The following CNBD1 variants were observed in gnomAD, a reference collection of about 807,000 sequenced individuals.
The protein encoded by CNBD1 is cyclic nucleotide binding domain containing 1.
Under a neutral mutation model 54.4 loss-of-function variants are expected in CNBD1, and 71 were observed. The ratio of observed to expected loss-of-function variants is 1.30; its 90% CI spans 1.08 to 1.59. The LOEUF is 1.59. Among genes scored for constraint, CNBD1 ranks in the 40% most tolerant of loss-of-function variants. The pLI is 0.00. For missense variants in CNBD1, 659 were observed against 518.0 expected, an observed-to-expected ratio of 1.27 and a Z score of -2.64; for synonymous variants, 182 against 170.7, an observed-to-expected ratio of 1.07 and a Z score of -0.51.
chr8:87,376,260 T>A (rs1810932180), intron 10 of CNBD1, among the ~76,000 whole-genome samples: 1 of 151,860 alleles, frequency 6.6e-6, no homozygotes, highest in Non-Finnish European at 1.5e-5. Flanking sequence ...CTGGCTGATC[T>A]GGTGTCTGGT....
In CNBD1 at chr8:87,391,047, C is replaced by A. The variant is rs569721827; in HGVS notation, c.213+37261C>A. The stretch of plus-strand genomic sequence containing the variant: ...ATAGGTGGGAATTGAACAAAGAGAA[C>A]CCATGGACACAGGAAGGGGAACATC... On this transcript the variant is annotated intron_variant, in intron 2 of 7. Coordinates refer to the CNBD1 transcript ENST00000521593. Among the ~76,000 whole-genome samples the A allele has an allele frequency of 2.6e-5, 4 of 151,856 alleles. No individual in the cohort carries two copies. The East Asian group carries it at 7.8e-4, about 30-fold the overall frequency.
chr8:87,349,680 AT>A (rs1342217179), intron 8 of CNBD1, among the ~76,000 whole-genome samples: 28 of 152,154 alleles, frequency 1.8e-4, no homozygotes, highest in Admixed American at 2.0e-4. Flanking sequence ...TGACCAGAAT[AT>A]ATGATTTTTA....
At chr8:86,912,230 A>T (rs1809111092) in intron 3 of CNBD1, among the ~76,000 whole-genome samples, 1 of 152,344 alleles carries the variant, frequency 6.6e-6, no homozygotes, top group South Asian at 2.1e-4. Flanking sequence ...AACAATGTAT[A>T]GTATTTGTAC....
chr8:87,248,578 G>A (rs1229542438), intron 6 of CNBD1, among the ~76,000 whole-genome samples: 1 of 152,188 alleles, frequency 6.6e-6, no homozygotes, highest in African/African-American at 2.4e-5. Flanking sequence ...CAGCTTTGAA[G>A]GTCTCATGGC....
chr8:87,066,546 TAAA>T (rs1810658623), intron 4 of CNBD1, among the ~76,000 whole-genome samples: 1 of 151,966 alleles, frequency 6.6e-6, no homozygotes, highest in Admixed American at 6.6e-5. Flanking sequence ...ACTTTTCAAT[TAAA>T]TAATGAATTA....
At chr8:87,091,477 T>A (rs1380323008) in intron 4 of CNBD1, among the ~76,000 whole-genome samples, 1 of 152,198 alleles carries the variant, frequency 6.6e-6, no homozygotes, top group African/African-American at 2.4e-5. Flanking sequence ...AAACTCTTCT[T>A]GTGAATCCTT....
intron 3 of CNBD1, among the ~76,000 whole-genome samples, chr8:86,919,714 A>C (rs1212298293): frequency 9.2e-5 from 14 of 152,228 alleles, no homozygotes. Context: ...TATTATTAAA[A>C]GGTAATTATT....
intron 5 of CNBD1, among the ~76,000 whole-genome samples, chr8:87,228,677 G>A (rs965177724): frequency 1.5e-4 from 23 of 151,762 alleles, no homozygotes; most frequent in African/African-American, 4.9e-4. Flanking sequence ...GTCTGCAGAA[G>A]TTACTGCTGT....
chr8:87,264,708 A>G (rs1005574861), intron 6 of CNBD1, among the ~76,000 whole-genome samples: 6 of 152,090 alleles, frequency 3.9e-5, no homozygotes, highest in South Asian at 2.1e-4. Flanking sequence ...GTGTGAGATG[A>G]TATCTCATTG....
Position 86,964,813 on chromosome 8 carries a change from C to A in CNBD1, c.431+25059C>A, listed in dbSNP as rs543079038. ...GTTCCCTGGGATTGACCCTTGCAGC[C>A]TCTCCTGAGATGGTCACTAGGAAGG... On this transcript the variant is annotated intron_variant, in intron 4 of 10. Coordinates refer to ENST00000518476, the MANE Select transcript of CNBD1 (RefSeq NM_173538.3). Among the ~76,000 whole-genome samples, 18 of 152,286 alleles carry A rather than the reference C, an allele frequency of 1.2e-4. No homozygotes were observed. The South Asian group carries it at 3.7e-3, about 32-fold the overall frequency.
At chr8:86,921,202 AG>A (rs1478343198) in intron 3 of CNBD1, among the ~76,000 whole-genome samples, 2 of 150,404 alleles carry the variant, frequency 1.3e-5, no homozygotes, top group Non-Finnish European at 3.0e-5. Flanking sequence ...ATCTGGCCTC[AG>A]GATAAATAAT....
chr8:87,275,574 A>T (rs1808460717), intron 6 of CNBD1, among the ~76,000 whole-genome samples: 1 of 151,734 alleles, frequency 6.6e-6, no homozygotes, highest in East Asian at 1.9e-4. Context: ...GACGTATCTC[A>T]AAATAATAAG....
intron 9 of CNBD1, among the ~76,000 whole-genome samples, chr8:87,352,389 A>C (rs1411480501): frequency 6.6e-6 from 1 of 150,986 alleles, no homozygotes; most frequent in Admixed American, 6.6e-5. Context: ...CTGAGGCAGA[A>C]GAATCGCTTG....
chr8:87,083,155 G>A (rs1254221618), intron 4 of CNBD1, among the ~76,000 whole-genome samples: 1 of 152,140 alleles, frequency 6.6e-6, no homozygotes, highest in Admixed American at 6.5e-5. Flanking sequence ...ATAACACTAT[G>A]TGACAAAGAA....
At chr8:87,336,257 G>T (rs1390056474) in intron 8 of CNBD1, among the ~76,000 whole-genome samples, 1 of 152,142 alleles carries the variant, frequency 6.6e-6, no homozygotes, top group East Asian at 1.9e-4. Context: ...TCCTAGGTTG[G>T]GGAAGTTCTT....
At chr8:87,342,293 G>T (rs1288148498) in intron 8 of CNBD1, among the ~76,000 whole-genome samples, 1 of 142,764 alleles carries the variant, frequency 7.0e-6, no homozygotes, top group Non-Finnish European at 1.5e-5. Flanking sequence ...AAAAAAAAAA[G>T]AAAACTCATC....
rs1812682524 is a variant in CNBD1, at chr8:87,154,902, C to A, written c.432-51091C>A. Among the ~76,000 whole-genome samples, 3 of 152,046 alleles carry A rather than the reference C, an allele frequency of 2.0e-5. No homozygotes were observed. The South Asian group carries it at 6.2e-4, about 32-fold the overall frequency. ...GTGGCACATCCAACTTTACTCACTC[C>A]ACGCTAATGGGGTTGTGGGGAGTGA... On this transcript the variant is annotated intron_variant, in intron 4 of 10. Transcript: ENST00000518476.
At chr8:87,240,797 T>A (rs374742196) in intron 6 of CNBD1, among the ~76,000 whole-genome samples, 9 of 152,238 alleles carry the variant, frequency 5.9e-5, no homozygotes, top group African/African-American at 2.2e-4. Flanking sequence ...TTTCCCCTCC[T>A]GCAGTTCCCT....
intron 4 of CNBD1, among the ~76,000 whole-genome samples, chr8:87,142,124 G>A (rs1812382742): frequency 6.6e-6 from 1 of 152,114 alleles, no homozygotes; most frequent in South Asian, 2.1e-4. Flanking sequence ...TGAAAGTAGA[G>A]AAGAGAGAAA....
Sources: gnomAD v4.1 joint callset for allele counts (sites outside exome capture counted in the v4.1 genomes callset) on GRCh38, gnomAD v4.1.1 for gene constraint, MANE v1.5 for transcripts, NCBI Gene and HGNC (gene_info 2026-07-23, HGNC 2026-07-21) for gene names.